KDM5D: variants seen among roughly 807,000 people sequenced by gnomAD.
KDM5D encodes lysine-specific demethylase 5D.
A neutral mutation model predicts 31.9 loss-of-function variants in KDM5D; 25 were observed. The observed-to-expected ratio is 0.78, with a 90% confidence interval of 0.57 to 1.09. The LOEUF (loss-of-function observed/expected upper bound fraction) is 1.09, where lower values mean the gene tolerates loss of function less well. Ranked by LOEUF, KDM5D falls within the 50% of genes least tolerant of loss-of-function variation. KDM5D has a pLI of 0.00. For synonymous variants in KDM5D, 146 were observed against 122.3 expected, an observed-to-expected ratio of 1.19 and a Z score of -1.28; for missense variants, 366 against 341.6, an observed-to-expected ratio of 1.07 and a Z score of -0.56.
At chrY:19,718,222 A>C (rs759657460) in intron 13 of KDM5D, among the ~76,000 whole-genome samples, 3 of 34,511 alleles carry the variant, frequency 8.7e-5, no homozygotes, top group Admixed American at 2.6e-4. Flanking sequence ...TATATACCCA[A>C]AACTCTGAAA....
chrY:19,721,338 G>A, intron 11 of KDM5D, 27 bp from the exon 12 acceptor site: 1 of 351,271 alleles, frequency 2.8e-6, no homozygotes, highest in Non-Finnish European at 4.1e-6. Context: ...TTGCCAGAGT[G>A]AGTAGGGAGT....
chrY:19,722,603 T>TGTA (rs2045401589), intron 11 of KDM5D: 15 of 31,619 alleles, frequency 4.7e-4, no homozygotes, highest in Admixed American at 2.3e-3. Context: ...GGCAACGACC[T>TGTA]ACAGAATGGA....
At chrY:19,735,087 A>C (rs2045498048) in intron 8 of KDM5D, among the ~76,000 whole-genome samples, 1 of 33,006 alleles carries the variant, frequency 3.0e-5, no homozygotes, top group African/African-American at 1.2e-4. Context: ...TTAAGCTGTA[A>C]AAGTTCAGAA....
intron 18 of KDM5D, 94 bp from the exon 19 acceptor site, chrY:19,710,566 C>T: frequency 9.8e-6 from 2 of 204,669 alleles, no homozygotes; most frequent in South Asian, 7.7e-5. Flanking sequence ...TCAGTAATAC[C>T]CACAAAGGTT....
At chrY:19,739,440 T>C in intron 6 of KDM5D, 88 bp downstream of exon 6, 1 of 229,872 alleles carries the variant, frequency 4.4e-6, no homozygotes, top group Non-Finnish European at 7.2e-6. Context: ...TGTAAAACAA[T>C]GCATTCAGCA....
At position 19,739,528 on chromosome Y, in the gene KDM5D, A is replaced by T; in HGVS notation, c.657T>A (p.Asp219Glu). The change falls in exon 6 of 27, where the codon GAT (aspartate) becomes GAA (glutamate). Residue 219 changes from aspartate to glutamate, a missense_variant and splice_region_variant. Coordinates refer to ENST00000317961, the MANE Select transcript of KDM5D (RefSeq NM_004653.5). ...AATAACAGGAGTAACAGTCACTCAC[A>T]TCAGGCTGTAGCCTTTTTGCCCGTC... ...YSRRAKRLQPDPEPTEEDIEK... is the reference protein window; with the variant it reads ...YSRRAKRLQPEPEPTEEDIEK... 1 of 394,685 alleles carries T rather than the reference A, an allele frequency of 2.5e-6. No individual in the cohort carries two copies. The highest frequency in any genetic ancestry group is 3.6e-6 in the Non-Finnish European group (1 of 280,751).
intron 20 of KDM5D, 149 bp from the exon 21 acceptor site, chrY:19,709,162 A>G: frequency 2.4e-5 from 4 of 166,424 alleles, no homozygotes; most frequent in Non-Finnish European, 4.3e-5. Flanking sequence ...GAACTCTCTA[A>G]CATTGCAGGG....
In KDM5D at chrY:19,739,663, CT is replaced by C; in HGVS notation, c.523-2del. On this transcript the variant is annotated splice_acceptor_variant, in intron 5 of 26. Coordinates refer to ENST00000317961, the MANE Select transcript of KDM5D (RefSeq NM_004653.5). LOFTEE classifies it high-confidence loss of function. The stretch of plus-strand genomic sequence containing the variant: ...TGTCAAACGGGTGTGTGTTACATTG[CT>C]AGAGAGAAAAAAATATATAGAATCA... The C allele has an allele frequency of 2.6e-6, 1 of 379,131 alleles. No homozygotes were observed. The highest frequency in any genetic ancestry group is 3.7e-6 in the Non-Finnish European group (1 of 270,931). 94.6% of individuals were successfully genotyped at this position (379,131 alleles called of 400,897 possible).
chrY:19,743,344 T>A, intron 2 of KDM5D, 105 bp from the exon 3 acceptor site: 1 of 135,958 alleles, frequency 7.4e-6, no homozygotes, highest in South Asian at 6.8e-5. Context: ...CTGGTAACCA[T>A]TTTTGTACAC....
chrY:19,729,493 CAG>C (rs2045457693), intron 11 of KDM5D, among the ~76,000 whole-genome samples: 1 of 32,986 alleles, frequency 3.0e-5, no homozygotes, highest in African/African-American at 1.2e-4. Context: ...CCTATGTATA[CAG>C]AAAGATAAAC....
chrY:19,715,712 G>A lies in KDM5D; in HGVS notation c.2241C>T (p.Pro747=). ...LRYRYTLDEL[P]TMLHKLKIRA... ...GAATCTTCAGTTTATGCAGCATGGT[G>A]GGGAGCTCATCCAAGGTGTACCGAT... Residue 747 remains proline (P), a synonymous_variant, in exon 17 of 27, where the codon CCC becomes CCT. Transcript: ENST00000317961. 1 of 398,579 alleles carries A rather than the reference G, an allele frequency of 2.5e-6. No individual in the cohort carries two copies. Among genetic ancestry groups the A allele is most frequent in the Non-Finnish European group, 3.5e-6 (1 of 283,433 alleles).
intron 18 of KDM5D, among the ~76,000 whole-genome samples, chrY:19,712,164 C>G (rs940502852): frequency 7.8e-4 from 26 of 33,496 alleles, no homozygotes; most frequent in Non-Finnish European, 2.2e-4. Context: ...TTCCTACTAA[C>G]ACAGCTTTAT....
chrY:19,744,422 G>C lies in KDM5D; in HGVS notation c.113C>G (p.Ala38Gly). 2.5e-6 allele frequency: 1 copy of C among 392,427 alleles called. No homozygotes were observed. Among genetic ancestry groups the C allele is most frequent in the Non-Finnish European group, 3.6e-6 (1 of 279,914 alleles). The change falls in exon 2 of 27, where the codon GCA becomes GGA. Residue 38 changes from alanine to glycine, a missense_variant. Physicochemically the swap from Ala to Gly is moderately conservative, Grantham distance 60. Coordinates refer to ENST00000317961, the MANE Select transcript of KDM5D (RefSeq NM_004653.5). ...LGYIAKIRPI[A>G]EKSGICKIRP... Reference sequence around the variant, plus strand: ...GATTTTGCAGATGCCAGACTTCTCTGCTATGGGCCTTATTTTCGCAATGTA... The same window carrying C: ...GATTTTGCAGATGCCAGACTTCTCTCCTATGGGCCTTATTTTCGCAATGTA...
intron 7 of KDM5D, 44 bp downstream of exon 7, chrY:19,735,577 C>T (rs760934026): frequency 5.0e-6 from 2 of 396,818 alleles, no homozygotes; most frequent in Admixed American, 7.4e-5. Flanking sequence ...TGAAACTTTA[C>T]TATTTTACCC....
rs1224384515 is a variant in KDM5D at position 19,741,871 on chromosome Y, G to T, written c.229-14C>A. 2.6e-6 allele frequency: 1 copy of T among 381,105 alleles called. No homozygotes were observed. ...TCTAGTTTGGGCCTGGGAAAGAGAG[G>T]GCCTTATAAGATTGGCATACTCCTT... is the stretch of plus-strand genomic sequence containing the variant. On this transcript the variant is annotated splice_polypyrimidine_tract_variant and intron_variant, in intron 3 of 26. Coordinates refer to ENST00000317961, the MANE Select transcript of KDM5D (RefSeq NM_004653.5).
chrY:19,737,974 C>T (rs886500884), intron 6 of KDM5D, among the ~76,000 whole-genome samples: 23 of 32,142 alleles, frequency 7.2e-4, no homozygotes, highest in East Asian at 8.1e-4. Context: ...CAATTGCCTG[C>T]GACCACACCC....
intron 11 of KDM5D, among the ~76,000 whole-genome samples, chrY:19,725,299 T>C (rs2045422421): frequency 3.0e-5 from 1 of 33,514 alleles, no homozygotes; most frequent in Non-Finnish European, 7.4e-5. Context: ...TCAAGCTACC[T>C]GACTTCAAAC....
intron 11 of KDM5D, among the ~76,000 whole-genome samples, chrY:19,726,863 A>G: frequency 3.0e-5 from 1 of 33,074 alleles, no homozygotes; most frequent in East Asian, 7.8e-4. Flanking sequence ...AAATTCCAAA[A>G]AAAGCTAAAT....
At chrY:19,724,956 A>G in intron 11 of KDM5D, among the ~76,000 whole-genome samples, 1 of 33,023 alleles carries the variant, frequency 3.0e-5, no homozygotes, top group African/African-American at 1.2e-4. Flanking sequence ...ACTCCCATTC[A>G]CTATTGCTAC....
Sources: allele counts gnomAD v4.1 joint callset (sites outside exome capture counted in the v4.1 genomes callset), GRCh38; gene constraint gnomAD v4.1.1; transcripts MANE v1.5; gene names NCBI Gene and HGNC (gene_info 2026-07-23, HGNC 2026-07-21).